MYCBP2: variants seen among roughly 807,000 people sequenced by gnomAD.
MYCBP2 encodes the protein MYC binding protein 2.
In MYCBP2, 120 loss-of-function variants were observed where a neutral mutation model predicts 525.3. That is an observed-to-expected ratio of 0.23 (90% CI 0.20 to 0.27). MYCBP2 has a LOEUF of 0.27. Among genes scored for constraint, MYCBP2 ranks in the 10% least tolerant of loss-of-function variants. The pLI, the probability that MYCBP2 is intolerant of heterozygous loss-of-function variation, is 1.00. For missense variants in MYCBP2, 4,149 were observed against 5,657.1 expected (o/e 0.73, Z 8.55); for synonymous variants, 1,894 against 1,955.8 (o/e 0.97, Z 0.83).
intron 55 of MYCBP2, among the ~76,000 whole-genome samples, chr13:77,101,144 C>T (rs1295839373): frequency 6.6e-6 from 1 of 152,008 alleles, no homozygotes; most frequent in East Asian, 1.9e-4. Context: ...ACATTTATTT[C>T]AGAAACTGAA....
At chr13:77,207,105 T>C (rs1386629809) in intron 23 of MYCBP2, among the ~76,000 whole-genome samples, 1 of 152,146 alleles carries the variant, frequency 6.6e-6, no homozygotes, top group Non-Finnish European at 1.5e-5. Flanking sequence ...TACATACATA[T>C]AAATATGAAA....
intron 71 of MYCBP2, among the ~76,000 whole-genome samples, chr13:77,066,630 T>C (rs1427545023): frequency 6.6e-6 from 1 of 152,230 alleles, no homozygotes; most frequent in Non-Finnish European, 1.5e-5. Flanking sequence ...ATGAAAGTTT[T>C]AGAAGTAGAA....
chr13:77,229,945 CCTAA>C (rs1253519005), intron 18 of MYCBP2, among the ~76,000 whole-genome samples: 2 of 152,116 alleles, frequency 1.3e-5, no homozygotes, highest in Non-Finnish European at 2.9e-5. Flanking sequence ...TTCAGATGTT[CCTAA>C]CTATGTACAC....
intron 44 of MYCBP2, among the ~76,000 whole-genome samples, chr13:77,161,407 A>G (rs1438543919): frequency 6.6e-6 from 1 of 152,214 alleles, no homozygotes; most frequent in Non-Finnish European, 1.5e-5. Flanking sequence ...AATAAAAACA[A>G]CAAATGATGG....
intron 8 of MYCBP2, among the ~76,000 whole-genome samples, chr13:77,264,574 G>C (rs936639865): frequency 1.3e-5 from 2 of 152,100 alleles, no homozygotes; most frequent in South Asian, 4.1e-4. Context: ...TGTCCAACAA[G>C]AGCAGACAAA....
intron 55 of MYCBP2, among the ~76,000 whole-genome samples, chr13:77,116,168 T>C (rs1362875020): frequency 1.3e-5 from 2 of 151,980 alleles, no homozygotes; most frequent in African/African-American, 2.4e-5. Flanking sequence ...TTAAGTACAG[T>C]GTTTACTACA....
rs574817467 is a variant in MYCBP2 at position 77,180,211 on chromosome 13, G to C, written c.5049C>G (p.Leu1683=). ...VRNSLRRENE[L]FSSHLVSNTC... ...TGTTAGAGACGAGGTGGGAGGAGAAGAGTTCATTTTCTCTCCTCAGGCTGT... is the reference window on the plus strand; with the variant it reads ...TGTTAGAGACGAGGTGGGAGGAGAACAGTTCATTTTCTCTCCTCAGGCTGT... The change falls in exon 34 of 83, where the codon CTC becomes CTG. Residue 1683 remains leucine, a synonymous_variant. Transcript: ENST00000544440. 6.2e-7 allele frequency: 1 copy of C among 1,614,028 alleles called. No homozygotes were observed. The highest frequency in any genetic ancestry group is 8.5e-7 in the Non-Finnish European group (1 of 1,179,904).
chr13:77,068,868 G>A (rs757843371), intron 69 of MYCBP2, 37 bp from the exon 70 acceptor site: 4 of 1,592,136 alleles, frequency 2.5e-6, no homozygotes, highest in South Asian at 1.1e-5. Flanking sequence ...AAAAATATAG[G>A]GTTAGTTTGA....
At chr13:77,287,279 G>A (rs1035882233) in intron 3 of MYCBP2, among the ~76,000 whole-genome samples, 1 of 151,370 alleles carries the variant, frequency 6.6e-6, no homozygotes, top group Non-Finnish European at 1.5e-5. Context: ...TCCGCCTCCT[G>A]GGTTCAAGCA....
intron 55 of MYCBP2, among the ~76,000 whole-genome samples, chr13:77,107,705 T>G (rs1254222813): frequency 6.6e-6 from 1 of 151,990 alleles, no homozygotes; most frequent in African/African-American, 2.4e-5. Context: ...ACCACTGTAC[T>G]CCAGTGTGGG....
At chr13:77,169,066 T>C (rs1349546720) in intron 39 of MYCBP2, among the ~76,000 whole-genome samples, 4 of 152,220 alleles carry the variant, frequency 2.6e-5, no homozygotes, top group African/African-American at 9.6e-5. Context: ...TTACATATCA[T>C]ATTCCTAAAA....
chr13:77,056,120 G>A (rs1391859635), intron 79 of MYCBP2, among the ~76,000 whole-genome samples: 1 of 143,188 alleles, frequency 7.0e-6, no homozygotes. Context: ...GTGTGTGTGT[G>A]TGTGTGTGTG....
rs1227907505 is a variant in MYCBP2, at chr13:77,140,190, G to C, written c.7402-27C>G. 3.5e-6 allele frequency: 5 copies of C among 1,433,938 alleles called. No homozygotes were observed. In the Middle Eastern group the frequency reaches 5.3e-4, roughly 152 times the overall value. 88.8% of individuals were successfully genotyped at this position (1,433,938 alleles called of 1,614,324 possible). On this transcript the variant is annotated intron_variant, in intron 50 of 82. Coordinates refer to ENST00000544440, the MANE Select transcript of MYCBP2 (RefSeq NM_015057.5). ...TGAGAAAGGCAAAGATAAACAGTGA[G>C]GTAGGAAGAACATAGAATAGAGATC...
intron 1 of MYCBP2, among the ~76,000 whole-genome samples, chr13:77,320,189 G>T (rs1430390974): frequency 6.6e-6 from 1 of 152,182 alleles, no homozygotes; most frequent in African/African-American, 2.4e-5. Context: ...CATGACTCTG[G>T]GGGAGGCAAC....
chr13:77,204,268 A>G (rs985407586), intron 26 of MYCBP2, among the ~76,000 whole-genome samples: 1 of 152,006 alleles, frequency 6.6e-6, no homozygotes, highest in Non-Finnish European at 1.5e-5. Context: ...AAAAGAAGAC[A>G]TTTATGCAGC....
chr13:77,295,122 G>C (rs1289218154), intron 2 of MYCBP2, among the ~76,000 whole-genome samples: 1 of 151,890 alleles, frequency 6.6e-6, no homozygotes, highest in Non-Finnish European at 1.5e-5. Context: ...GAAAATATGG[G>C]TTTGATTATT....
At chr13:77,170,918 A>T (rs117727264) in intron 38 of MYCBP2, among the ~76,000 whole-genome samples, 2 of 152,282 alleles carry the variant, frequency 1.3e-5, no homozygotes, top group Non-Finnish European at 2.9e-5. Context: ...CAGTGTGAAG[A>T]ATAACTAAAC....
intron 2 of MYCBP2, among the ~76,000 whole-genome samples, chr13:77,293,303 T>A (rs2077694041): frequency 6.6e-6 from 1 of 152,056 alleles, no homozygotes; most frequent in Admixed American, 6.5e-5. Flanking sequence ...CCAGAAAAAA[T>A]AATAAGATAG....
At chr13:77,065,005 C>G (rs190125777) in intron 72 of MYCBP2, among the ~76,000 whole-genome samples, 1 of 152,204 alleles carries the variant, frequency 6.6e-6, no homozygotes, top group African/African-American at 2.4e-5. Context: ...GGCAATTACT[C>G]TCACATCTGA....
Sources: allele counts gnomAD v4.1 joint callset (sites outside exome capture counted in the v4.1 genomes callset), GRCh38; gene constraint gnomAD v4.1.1; transcripts MANE v1.5; gene names NCBI Gene and HGNC (gene_info 2026-07-23, HGNC 2026-07-21).